The following SEM1 variants were observed in gnomAD, a reference collection of about 807,000 sequenced individuals.
SEM1 encodes SEM1 26S proteasome subunit.
SEM1 carries 3 observed loss-of-function variants against 12.7 expected under a neutral mutation model. The ratio of observed to expected loss-of-function variants is 0.24; its 90% CI spans 0.11 to 0.61. The LOEUF (loss-of-function observed/expected upper bound fraction) is 0.61, where lower values mean the gene tolerates loss of function less well. Ranked by LOEUF, SEM1 falls within the 20% of genes least tolerant of loss-of-function variation. The pLI is 0.88. For missense variants in SEM1, 59 were observed against 81.3 expected, an observed-to-expected ratio of 0.73 and a Z score of 1.06; for synonymous variants, 30 against 27.8, an observed-to-expected ratio of 1.08 and a Z score of -0.25.
chr7:96,670,803 G>C (rs759679425), downstream of SEM1, among the ~76,000 whole-genome samples: 9 of 152,204 alleles, frequency 5.9e-5, no homozygotes, highest in Non-Finnish European at 1.3e-4. Flanking sequence ...GATTTACAGA[G>C]AGCATGCAAT....
At chr7:96,594,011 A>G (rs1307947084) in intron 2 of SEM1, among the ~76,000 whole-genome samples, 1 of 152,068 alleles carries the variant, frequency 6.6e-6, no homozygotes, top group Admixed American at 6.6e-5. Context: ...TTTCAAATCA[A>G]TAGATATAGT....
chr7:96,678,267 TTTC>T (rs1228242828), intron 2 of SEM1, among the ~76,000 whole-genome samples: 1 of 152,144 alleles, frequency 6.6e-6, no homozygotes, highest in Non-Finnish European at 1.5e-5. Flanking sequence ...TTTGAGGTTA[TTTC>T]TTCATCTGTA....
chr7:96,681,287 C>G (rs1021940538), intron 2 of SEM1, among the ~76,000 whole-genome samples: 5 of 152,018 alleles, frequency 3.3e-5, no homozygotes, highest in African/African-American at 1.2e-4. Context: ...GTGACATGAT[C>G]TAAATTTCAA....
At chr7:96,696,806 A>G (rs1243840459) in intron 1 of SEM1, 1 of 152,004 alleles carries the variant, frequency 6.6e-6, no homozygotes, top group Non-Finnish European at 1.5e-5. Context: ...AACTCTACTC[A>G]ATGTATAACA....
At chr7:96,681,598 T>C (rs896708585) in intron 2 of SEM1, among the ~76,000 whole-genome samples, 1 of 152,096 alleles carries the variant, frequency 6.6e-6, no homozygotes, top group African/African-American at 2.4e-5. Flanking sequence ...CAGCTTTCTA[T>C]GTATGGCTAG....
intron 2 of SEM1, chr7:96,673,943 G>T: frequency 2.8e-6 from 2 of 712,034 alleles, no homozygotes; most frequent in East Asian, 5.2e-5. Context: ...CATAAGCCTG[G>T]CCCATCCTGA....
intron 2 of SEM1, among the ~76,000 whole-genome samples, chr7:96,525,590 T>G (rs1402514681): frequency 6.6e-6 from 1 of 152,106 alleles, no homozygotes; most frequent in East Asian, 1.9e-4. Context: ...TCACCTCTTT[T>G]TCATTTGATG....
chr7:96,546,476 A>G (rs888611079), intron 2 of SEM1, among the ~76,000 whole-genome samples: 8 of 152,146 alleles, frequency 5.3e-5, no homozygotes, highest in Non-Finnish European at 1.0e-4. Context: ...CATGAAGAAA[A>G]TGATGATCAT....
At chr7:96,657,863 T>C (rs1329268533) in intron 2 of SEM1, among the ~76,000 whole-genome samples, 1 of 152,078 alleles carries the variant, frequency 6.6e-6, no homozygotes, top group Non-Finnish European at 1.5e-5. Flanking sequence ...CCTTTTTGTG[T>C]ACTCTGAAAG....
intron 2 of SEM1, among the ~76,000 whole-genome samples, chr7:96,514,092 C>A (rs1218297195): frequency 6.6e-6 from 1 of 152,016 alleles, no homozygotes; most frequent in Non-Finnish European, 1.5e-5. Flanking sequence ...AATGTTGCCA[C>A]AAACATATTT....
At chr7:96,614,727 C>T (rs1026106899) in intron 2 of SEM1, among the ~76,000 whole-genome samples, 4 of 152,208 alleles carry the variant, frequency 2.6e-5, no homozygotes, top group African/African-American at 9.6e-5. Context: ...TCTGCACATG[C>T]TACCTAGTGC....
intron 2 of SEM1, among the ~76,000 whole-genome samples, chr7:96,572,026 T>C (rs1027025020): frequency 6.6e-6 from 1 of 152,324 alleles, no homozygotes; most frequent in East Asian, 1.9e-4. Flanking sequence ...AGTGTACATG[T>C]ACAGGAATTT....
chr7:96,505,363 C>T (rs778472727), intron 3 of SEM1, among the ~76,000 whole-genome samples: 3 of 152,054 alleles, frequency 2.0e-5, no homozygotes, highest in Non-Finnish European at 4.4e-5. Flanking sequence ...CTCAGCCTCC[C>T]AGAGTTTTGG....
intron 2 of SEM1, among the ~76,000 whole-genome samples, chr7:96,611,103 A>G (rs1460487229): frequency 1.3e-5 from 2 of 152,124 alleles, no homozygotes; most frequent in African/African-American, 2.4e-5. Context: ...CATATCTCCC[A>G]TATATTCTTC....
rs79919154 is a variant in SEM1 at position 96,502,725 on chromosome 7, C to T, written c.*60+3898G>A. On this transcript the variant is annotated intron_variant and NMD_transcript_variant, in intron 3 of 3. Coordinates refer to the SEM1 transcript ENST00000466986. ...AGAATAGAAAAATTTCTCTAGCCAA[C>T]GATTTCATGCTCAAATTCACTGATA... 5.0e-3 allele frequency among the ~76,000 whole-genome samples: 757 copies of T among 152,206 alleles called. 4 individuals carry two copies. The highest frequency in any genetic ancestry group is 0.017 in the African/African-American group (703 of 41,530).
chr7:96,660,336 A>T (rs963875683), intron 2 of SEM1, among the ~76,000 whole-genome samples: 3 of 152,178 alleles, frequency 2.0e-5, no homozygotes, highest in Admixed American at 6.5e-5. Flanking sequence ...CAAATGGACA[A>T]ATCCTTTCTC....
At chr7:96,655,827 A>G (rs773907287) in intron 2 of SEM1, among the ~76,000 whole-genome samples, 3 of 152,234 alleles carry the variant, frequency 2.0e-5, no homozygotes, top group Non-Finnish European at 1.5e-5. Flanking sequence ...TAATGAATAT[A>G]AAGCTAACTT....
At chr7:96,522,917 A>T (rs1467872492) in intron 2 of SEM1, among the ~76,000 whole-genome samples, 2 of 145,716 alleles carry the variant, frequency 1.4e-5, no homozygotes, top group African/African-American at 2.5e-5. Flanking sequence ...AAAAAGAGAG[A>T]TGTTGTTTAA....
At chr7:96,527,877 T>C (rs6465515) in intron 2 of SEM1, among the ~76,000 whole-genome samples, 77,068 of 151,974 alleles carry the variant, frequency 0.51, 22,975 homozygotes, top group East Asian at 0.67. Context: ...TGAGTTCTTT[T>C]TTGTTGTTGT....
Sources: gnomAD v4.1 joint callset for allele counts (sites outside exome capture counted in the v4.1 genomes callset) on GRCh38, gnomAD v4.1.1 for gene constraint, MANE v1.5 for transcripts, NCBI Gene and HGNC (gene_info 2026-07-23, HGNC 2026-07-21) for gene names.